Variants in ZNF385D observed in about 807,000 individuals in gnomAD.
The protein encoded by ZNF385D is zinc finger protein 659.
Under a neutral mutation model 35.8 loss-of-function variants are expected in ZNF385D, and 15 were observed. That is an observed-to-expected ratio of 0.42 (90% CI 0.28 to 0.64). The LOEUF is 0.64. ZNF385D is among the 30% of genes least tolerant of loss of function. The pLI is 0.23. For missense variants in ZNF385D, 474 were observed against 494.6 expected, an observed-to-expected ratio of 0.96 and a Z score of 0.39; for synonymous variants, 212 against 186.8, an observed-to-expected ratio of 1.13 and a Z score of -1.10.
intron 2 of ZNF385D, among the ~76,000 whole-genome samples, chr3:22,223,330 T>C (rs1473873452): frequency 6.6e-6 from 1 of 152,188 alleles, no homozygotes; most frequent in Non-Finnish European, 1.5e-5. Flanking sequence ...GCAATTTTCA[T>C]AAGTATAGTA....
intron 2 of ZNF385D, among the ~76,000 whole-genome samples, chr3:22,224,714 G>T (rs1416766066): frequency 6.6e-6 from 1 of 152,146 alleles, no homozygotes; most frequent in Non-Finnish European, 1.5e-5. Flanking sequence ...CTATTAAAGT[G>T]ATCCCATCAC....
chr3:21,884,300 G>A (rs952427563), intron 3 of ZNF385D, among the ~76,000 whole-genome samples: 1 of 151,934 alleles, frequency 6.6e-6, no homozygotes, highest in East Asian at 1.9e-4. Context: ...GCAAACAGTA[G>A]ACAACTCTGA....
At chr3:22,177,627 C>T (rs1027589358) in intron 2 of ZNF385D, among the ~76,000 whole-genome samples, 6 of 152,098 alleles carry the variant, frequency 3.9e-5, no homozygotes, top group Non-Finnish European at 7.3e-5. Flanking sequence ...TTTAAGTGCA[C>T]AATGTGCAGG....
At chr3:21,972,847 C>A (rs946580174) in intron 3 of ZNF385D, among the ~76,000 whole-genome samples, 1 of 151,846 alleles carries the variant, frequency 6.6e-6, no homozygotes, top group African/African-American at 2.4e-5. Context: ...CCTAGACACA[C>A]AATCTACTAA....
chr3:21,968,552 C>T (rs563414545), intron 3 of ZNF385D, among the ~76,000 whole-genome samples: 29 of 152,056 alleles, frequency 1.9e-4, no homozygotes, highest in Non-Finnish European at 4.0e-4. Context: ...AGGACTTTGT[C>T]TTGCATCTTG....
At chr3:21,895,721 G>C (rs1418612425) in intron 3 of ZNF385D, among the ~76,000 whole-genome samples, 1 of 151,858 alleles carries the variant, frequency 6.6e-6, no homozygotes, top group African/African-American at 2.4e-5. Flanking sequence ...CGGTTGGAGT[G>C]GGAAGTGAAA....
Position 21,421,293 on chromosome 3 carries a change from G to A in ZNF385D, c.1109C>T (p.Ala370Val). 2 of 1,614,050 alleles carry A rather than the reference G, an allele frequency of 1.2e-6. No individual in the cohort carries two copies. Among genetic ancestry groups the A allele is most frequent in the South Asian group, 1.1e-5 (1 of 91,072 alleles). ...APAATLFQTSALPPALLRPAP... is the reference protein window; with the variant it reads ...APAATLFQTSVLPPALLRPAP... The stretch of plus-strand genomic sequence containing the variant: ...TGGCCGCAGGAGTGCCGGAGGAAGC[G>A]CGGAAGTCTGGAACAGTGTTGCTGC... Residue 370 changes from alanine to valine, a missense_variant, in exon 8 of 8, where the codon GCG becomes GTG. Physicochemically the swap from Ala to Val is moderately conservative, Grantham distance 64. Coordinates refer to ENST00000281523, the MANE Select transcript of ZNF385D (RefSeq NM_024697.3).
intron 3 of ZNF385D, among the ~76,000 whole-genome samples, chr3:21,765,555 G>A (rs534660753): frequency 6.6e-5 from 10 of 152,134 alleles, no homozygotes; most frequent in South Asian, 2.1e-4. Flanking sequence ...GAGAAGGAAC[G>A]TGTCAATTGG....
At position 21,915,037 on chromosome 3, in the gene ZNF385D, TG is replaced by T. The variant is rs554732912; in HGVS notation, c.326-250010del. ...AAATATATTCAATAGAAATCCAGAG[TG>T]TAAAAATTATTTTAAGAATGAGTAG... On this transcript the variant is annotated intron_variant, in intron 3 of 5. Transcript: ENST00000494108. 2.2e-3 allele frequency among the ~76,000 whole-genome samples: 325 copies of T among 149,434 alleles called. 1 individual carries two copies. The highest frequency in any genetic ancestry group is 7.6e-3 in the African/African-American group (308 of 40,792).
At chr3:21,493,960 A>G (rs1705626059) in intron 4 of ZNF385D, among the ~76,000 whole-genome samples, 1 of 152,202 alleles carries the variant, frequency 6.6e-6, no homozygotes, top group Non-Finnish European at 1.5e-5. Context: ...TTTGACTGCA[A>G]GAAAAACAGG....
intron 3 of ZNF385D, among the ~76,000 whole-genome samples, chr3:21,845,273 C>A (rs1464036611): frequency 1.3e-5 from 2 of 151,800 alleles, no homozygotes; most frequent in Admixed American, 6.6e-5. Flanking sequence ...TTTAAATTTG[C>A]CTGGAGGAAA....
At chr3:21,992,221 T>C (rs1337359292) in intron 3 of ZNF385D, among the ~76,000 whole-genome samples, 1 of 151,990 alleles carries the variant, frequency 6.6e-6, no homozygotes, top group Admixed American at 6.6e-5. Flanking sequence ...TCACAGAATA[T>C]AGATATCCAG....
chr3:22,025,422 G>A (rs751527215), intron 3 of ZNF385D, among the ~76,000 whole-genome samples: 18 of 152,088 alleles, frequency 1.2e-4, no homozygotes, highest in Admixed American at 2.0e-4. Flanking sequence ...TGCTACACTC[G>A]AAAAGAACTT....
intron 2 of ZNF385D, among the ~76,000 whole-genome samples, chr3:22,335,994 T>G (rs1695143779): frequency 6.6e-6 from 1 of 152,078 alleles, no homozygotes; most frequent in Non-Finnish European, 1.5e-5. Flanking sequence ...GTACTCAGTA[T>G]TCAGAGTCCA....
At chr3:22,325,421 G>A (rs9835734) in intron 2 of ZNF385D, among the ~76,000 whole-genome samples, 86,141 of 151,998 alleles carry the variant, frequency 0.57, 25,191 homozygotes, top group African/African-American at 0.69. Context: ...GACAAATTCT[G>A]GAAAACTGTA....
Position 21,981,980 on chromosome 3 carries a change from T to G in ZNF385D, c.325+186837A>C, listed in dbSNP as rs1694480646. 3.9e-5 allele frequency among the ~76,000 whole-genome samples: 6 copies of G among 152,164 alleles called. 1 individual carries two copies. Among genetic ancestry groups the G allele is most frequent in the Admixed American group, 3.9e-4 (6 of 15,260 alleles). ...TGTTACTGTACCCTTGTAGTATAGT[T>G]TGAAGTCAGGTAACATGATGCCTCC... On this transcript the variant is annotated intron_variant, in intron 3 of 5. Coordinates refer to the ZNF385D transcript ENST00000494108.
chr3:21,827,673 T>C (rs1480568849), intron 3 of ZNF385D, among the ~76,000 whole-genome samples: 1 of 152,162 alleles, frequency 6.6e-6, no homozygotes, highest in Non-Finnish European at 1.5e-5. Flanking sequence ...GCCTCTATTT[T>C]GAAGCATTAC....
At chr3:21,484,581 A>C (rs75854206) in intron 4 of ZNF385D, among the ~76,000 whole-genome samples, 4 of 152,260 alleles carry the variant, frequency 2.6e-5, no homozygotes, top group Non-Finnish European at 5.9e-5. Context: ...TTGTCACAAG[A>C]TGGGAATGGT....
intron 3 of ZNF385D, among the ~76,000 whole-genome samples, chr3:21,963,369 C>G (rs947317883): frequency 2.0e-5 from 3 of 152,144 alleles, no homozygotes; most frequent in African/African-American, 7.2e-5. Flanking sequence ...TTGTGATCAA[C>G]TCTACGTAGA....
Sources: gnomAD v4.1 joint callset for allele counts (sites outside exome capture counted in the v4.1 genomes callset) on GRCh38, gnomAD v4.1.1 for gene constraint, MANE v1.5 for transcripts, NCBI Gene and HGNC (gene_info 2026-07-23, HGNC 2026-07-21) for gene names.